Variants in NOTCH2 observed in about 807,000 individuals in gnomAD.
NOTCH2 encodes neurogenic locus notch homolog protein 2.
In NOTCH2, 29 loss-of-function variants were observed where a neutral mutation model predicts 235.8. The observed-to-expected ratio is 0.12, with a 90% CI of 0.09 to 0.17. The LOEUF (loss-of-function observed/expected upper bound fraction) is 0.17. NOTCH2 is among the 10% of genes least tolerant of loss of function. The pLI, the probability that NOTCH2 is intolerant of heterozygous loss-of-function variation, is 1.00. For missense variants in NOTCH2, 2,285 were observed against 3,150.2 expected (o/e 0.73, Z 6.57); for synonymous variants, 1,086 against 1,141.5 (o/e 0.95, Z 0.98).
chr1:119,962,065 G>T (rs1381755455), intron 11 of NOTCH2, among the ~76,000 whole-genome samples: 2 of 152,140 alleles, frequency 1.3e-5, no homozygotes, highest in African/African-American at 4.8e-5. Context: ...ATCTTTGGCA[G>T]GTTCTGACAG....
At chr1:120,068,955 C>G (rs1358667531) in intron 1 of NOTCH2, 6 of 897,402 alleles carry the variant, frequency 6.7e-6, no homozygotes, top group Non-Finnish European at 9.7e-6. Flanking sequence ...TCGCTCAGCC[C>G]CTCCGAGGCC....
chr1:120,011,679 T>A (rs1462205421), intron 2 of NOTCH2, among the ~76,000 whole-genome samples: 2 of 152,062 alleles, frequency 1.3e-5, no homozygotes, highest in East Asian at 1.9e-4. Context: ...TATATTATAA[T>A]CTCCATTTTA....
rs17024559 is a variant in NOTCH2, at chr1:119,948,678, G to C, written c.2600-112C>G. Reference sequence around the variant, plus strand: ...CATGGAGCTATTCCACAGACAAACTGGTTGGCCCCCTGCTTTAGGAAGTTC... The same window carrying C: ...CATGGAGCTATTCCACAGACAAACTCGTTGGCCCCCTGCTTTAGGAAGTTC... On this transcript the variant is annotated intron_variant, in intron 16 of 33. Transcript: ENST00000256646. The C allele has an allele frequency of 0.033, 42,683 of 1,284,086 alleles. 1,488 individuals are homozygous for C. The highest frequency in any genetic ancestry group is 0.11 in the South Asian group (8,721 of 82,272). 79.5% of individuals were successfully genotyped at this position (1,284,086 alleles called of 1,614,324 possible). A position where few individuals can be genotyped will look rare whatever the true frequency, so the allele number is the denominator to read the frequency against.
rs144200792 is a variant in NOTCH2 at position 119,941,361 on chromosome 1, A to G, written c.2981+165T>C. Among the ~76,000 whole-genome samples, 15 of 152,314 alleles carry G rather than the reference A, an allele frequency of 9.8e-5. No homozygotes were observed. The East Asian group carries it at 2.9e-3, about 29-fold the overall frequency. On this transcript the variant is annotated intron_variant, in intron 18 of 33. Coordinates refer to ENST00000256646, the MANE Select transcript of NOTCH2 (RefSeq NM_024408.4). ...TCTGACCTTTAACTTTCTATTATAT[A>G]TGTTTATCAGGAACCAGTAACCGGG... is the stretch of plus-strand genomic sequence containing the variant.
intron 22 of NOTCH2, among the ~76,000 whole-genome samples, chr1:119,932,115 C>T (rs939500479): frequency 1.3e-5 from 2 of 151,544 alleles, no homozygotes; most frequent in African/African-American, 2.4e-5. Context: ...TGCTGATATA[C>T]TGCAATCACT....
At chr1:119,948,940 G>A (rs1553197388) in intron 16 of NOTCH2, 67 bp downstream of exon 16, 6 of 1,605,866 alleles carry the variant, frequency 3.7e-6, no homozygotes, top group African/African-American at 1.3e-5. Context: ...CATATGATCT[G>A]ATAACCTGAC....
chr1:119,968,240 AGGGT>A lies in NOTCH2; in HGVS notation c.1109-12_1109-9del. ...CCAGATGACACAGGAGACCTGTCAC[AGGGT>A]GGGGCAAAGGACAACTAAGAGAAAA... is the stretch of plus-strand genomic sequence containing the variant. On this transcript the variant is annotated splice_polypyrimidine_tract_variant and intron_variant, in intron 6 of 33. Coordinates refer to ENST00000256646, the MANE Select transcript of NOTCH2 (RefSeq NM_024408.4). 1 of 1,613,488 alleles carries A rather than the reference AGGGT, an allele frequency of 6.2e-7. No individual in the cohort carries two copies. Among genetic ancestry groups the A allele is most frequent in the Non-Finnish European group, 8.5e-7 (1 of 1,179,772 alleles).
intron 14 of NOTCH2, among the ~76,000 whole-genome samples, 161 bp from the exon 15 acceptor site, chr1:119,950,998 TGAAA>T (rs1650449293): frequency 6.6e-6 from 1 of 152,204 alleles, no homozygotes. Context: ...CCCATGTCCC[TGAAA>T]TACAGTCAGT....
At chr1:120,009,169 T>A (rs587672927) in intron 2 of NOTCH2, among the ~76,000 whole-genome samples, 254 of 152,028 alleles carry the variant, frequency 1.7e-3, no homozygotes, top group African/African-American at 5.8e-3. Context: ...AGCAAGAATA[T>A]CTGGAGCAGC....
chr1:119,922,376 A>G lies in NOTCH2; in HGVS notation c.5073T>C (p.Phe1691=), dbSNP rs587742204. The change falls in exon 28 of 34, where the codon TTT becomes TTC. Residue 1691 remains phenylalanine (F), a synonymous_variant. Transcript: ENST00000256646. Reference sequence around the variant, plus strand: ...CCATGATTACCCCCAGCAGAATAATAAACAGAATGATGACAACAGCAACAG... The same window carrying G: ...CCATGATTACCCCCAGCAGAATAATGAACAGAATGATGACAACAGCAACAG... The part of the protein sequence containing the change: ...LLAVAVVIIL[F]IILLGVIMAK... The G allele has an allele frequency of 2.5e-6, 4 of 1,614,170 alleles. No homozygotes were observed. Among genetic ancestry groups the G allele is most frequent in the East Asian group, 4.5e-5 (2 of 44,878 alleles).
At chr1:119,975,336 G>T (rs10923931) in intron 5 of NOTCH2, among the ~76,000 whole-genome samples, 25,449 of 152,148 alleles carry the variant, frequency 0.17, 2,964 homozygotes, top group African/African-American at 0.33. Context: ...TCTGGCTTCA[G>T]GCTGAACAAG....
At chr1:119,941,427 T>A in intron 18 of NOTCH2, 99 bp downstream of exon 18, 1 of 834,662 alleles carries the variant, frequency 1.2e-6, no homozygotes, top group Non-Finnish European at 2.0e-6. Context: ...TGTGGACACC[T>A]CATCCCTGCT....
chr1:119,969,483 T>C (rs1188984280), intron 6 of NOTCH2, 28 bp downstream of exon 6: 2 of 1,603,964 alleles, frequency 1.2e-6, no homozygotes, highest in Non-Finnish European at 1.7e-6. Flanking sequence ...CCCTTCCCTG[T>C]TTCTAGATCC....
At position 119,963,622 on chromosome 1, in the gene NOTCH2, T is replaced by C. The variant is rs782590807; in HGVS notation, c.1867A>G (p.Ile623Val). The C allele has an allele frequency of 5.6e-6, 9 of 1,614,072 alleles. No individual in the cohort carries two copies. The highest frequency in any genetic ancestry group is 8.5e-7 in the Non-Finnish European group (1 of 1,180,018). Residue 623 changes from isoleucine (I) to valine (V), a missense_variant, in exon 11 of 34, where the codon ATT becomes GTT. Transcript: ENST00000256646. ...SSPCLNDGRC[I>V]DLVNGYQCNC... The stretch of plus-strand genomic sequence containing the variant: ...CACTGGTAGCCATTGACCAGGTCAA[T>C]GCAGCGACCATCGTTCAGGCAAGGG...
chr1:120,047,851 G>A (rs145315676), intron 1 of NOTCH2, among the ~76,000 whole-genome samples: 6 of 120,128 alleles, frequency 5.0e-5, no homozygotes, highest in South Asian at 3.4e-4. Context: ...GGCAGCCTCC[G>A]CCTCCCAGGT....
intron 10 of NOTCH2, 102 bp from the exon 11 acceptor site, chr1:119,963,909 T>C (rs2101137829): frequency 9.9e-7 from 1 of 1,006,530 alleles, no homozygotes; most frequent in Middle Eastern, 2.2e-4. Flanking sequence ...ATTCGATGTG[T>C]GGTCAATTAA....
Position 119,937,265 on chromosome 1 carries a change from T to A in NOTCH2, c.3522+17A>T. 1.9e-6 allele frequency: 3 copies of A among 1,612,632 alleles called. No homozygotes were observed. Among genetic ancestry groups the A allele is most frequent in the Non-Finnish European group, 2.5e-6 (3 of 1,179,774 alleles). On this transcript the variant is annotated intron_variant, in intron 21 of 33. Coordinates refer to ENST00000256646, the MANE Select transcript of NOTCH2 (RefSeq NM_024408.4). ...CTCCTGGGAGGTCCATGACCTCTGCTTGCTCAGTGTCCTCACCTCGCATCT... is the reference window on the plus strand; with the variant it reads ...CTCCTGGGAGGTCCATGACCTCTGCATGCTCAGTGTCCTCACCTCGCATCT...
intron 12 of NOTCH2, among the ~76,000 whole-genome samples, chr1:119,957,285 T>C (rs1650743030): frequency 6.6e-6 from 1 of 152,138 alleles, no homozygotes; most frequent in South Asian, 2.1e-4. Context: ...GTTAAACGGG[T>C]ATAGTAGAAC....
chr1:119,998,582 C>A (rs1461627745), intron 3 of NOTCH2, among the ~76,000 whole-genome samples: 1 of 151,424 alleles, frequency 6.6e-6, no homozygotes, highest in Non-Finnish European at 1.5e-5. Context: ...AAAAAAATAT[C>A]CTCACAGAAC....
Sources: allele counts gnomAD v4.1 joint callset (sites outside exome capture counted in the v4.1 genomes callset), GRCh38; gene constraint gnomAD v4.1.1; transcripts MANE v1.5; gene names NCBI Gene and HGNC (gene_info 2026-07-23, HGNC 2026-07-21).